The following LNX1 variants were observed in gnomAD, a reference collection of about 807,000 sequenced individuals.
The protein encoded by LNX1 is E3 ubiquitin-protein ligase LNX.
Under a neutral mutation model 68.4 loss-of-function variants are expected in LNX1, and 54 were observed. The ratio of observed to expected loss-of-function variants is 0.79; its 90% CI spans 0.63 to 0.99. LNX1 has a LOEUF of 0.99. Among genes scored for constraint, LNX1 ranks in the 50% least tolerant of loss-of-function variants. The pLI, the probability that LNX1 is intolerant of heterozygous loss-of-function variation, is 0.00. For synonymous variants in LNX1, 336 were observed against 350.0 expected, an observed-to-expected ratio of 0.96 and a Z score of 0.45; for missense variants, 906 against 926.4, an observed-to-expected ratio of 0.98 and a Z score of 0.29.
intron 2 of LNX1, among the ~76,000 whole-genome samples, chr4:53,525,454 T>A (rs780138825): frequency 2.0e-5 from 3 of 152,036 alleles, no homozygotes; most frequent in Non-Finnish European, 4.4e-5. Flanking sequence ...CACTGCAGAG[T>A]GGGTGACAGC....
chr4:53,597,183 G>A (rs561078393), intron 2 of LNX1, among the ~76,000 whole-genome samples: 2 of 152,244 alleles, frequency 1.3e-5, no homozygotes, highest in East Asian at 3.9e-4. Flanking sequence ...TGCAATGCTA[G>A]CTGCACTTGT....
At chr4:53,521,701 G>GA (rs139080150) in intron 2 of LNX1, among the ~76,000 whole-genome samples, 5,902 of 152,254 alleles carry the variant, frequency 0.039, 142 homozygotes, top group Middle Eastern at 0.068. Context: ...AACGAAGGGG[G>GA]AAAGGAGGGG....
chr4:53,586,830 A>T (rs562617684), intron 1 of LNX1, among the ~76,000 whole-genome samples: 81 of 152,342 alleles, frequency 5.3e-4, no homozygotes, highest in African/African-American at 1.9e-3. Flanking sequence ...AAAAATAATG[A>T]TTATTACTAT....
At chr4:53,596,990 G>T (rs539266722) in intron 2 of LNX1, among the ~76,000 whole-genome samples, 1 of 152,210 alleles carries the variant, frequency 6.6e-6, no homozygotes, top group African/African-American at 2.4e-5. Context: ...TGTACTGTCT[G>T]GTTCCTGGAC....
intron 8 of LNX1, among the ~76,000 whole-genome samples, chr4:53,478,137 A>G (rs1260645655): frequency 6.6e-6 from 1 of 152,192 alleles, no homozygotes; most frequent in Non-Finnish European, 1.5e-5. Context: ...ACTTTCACTT[A>G]ATGAGTATTC....
At chr4:53,473,061 CTAAA>C (rs1158553322) in intron 9 of LNX1, among the ~76,000 whole-genome samples, 4 of 151,818 alleles carry the variant, frequency 2.6e-5, no homozygotes, top group Admixed American at 2.6e-4. Flanking sequence ...TTTCTTAAAA[CTAAA>C]TAAAGTTGGT....
At chr4:53,613,048 C>T (rs62325486) in intron 2 of LNX1, among the ~76,000 whole-genome samples, 61,548 of 148,988 alleles carry the variant, frequency 0.41, 12,714 homozygotes, top group Admixed American at 0.45. Context: ...TGTCTACCTA[C>T]GATTATATAG....
chr4:53,616,450 GCTTTTATCTCATTTT>G (rs1733683906), intron 2 of LNX1: 1 of 152,164 alleles, frequency 6.6e-6, no homozygotes, highest in Admixed American at 6.5e-5. Context: ...ACCTGCTGCT[GCTTTTATCTCATTTT>G]CTTAGTACTT....
intron 4 of LNX1, among the ~76,000 whole-genome samples, chr4:53,502,261 T>C (rs961166604): frequency 2.0e-5 from 3 of 152,128 alleles, no homozygotes; most frequent in African/African-American, 7.2e-5. Flanking sequence ...GCTGCTATGG[T>C]CATTAATTTA....
intron 9 of LNX1, among the ~76,000 whole-genome samples, chr4:53,464,883 A>G (rs539799980): frequency 1.3e-5 from 2 of 152,250 alleles, no homozygotes; most frequent in Admixed American, 6.5e-5. Flanking sequence ...TCAAATTTAA[A>G]TTATCTCTCA....
intron 4 of LNX1, among the ~76,000 whole-genome samples, chr4:53,506,384 A>G (rs1725869886): frequency 6.6e-6 from 1 of 152,174 alleles, no homozygotes; most frequent in African/African-American, 2.4e-5. Flanking sequence ...ATGCAAAGAC[A>G]GTAGGACAGT....
At chr4:53,627,739 C>T (rs902303571) in intron 1 of LNX1, among the ~76,000 whole-genome samples, 3 of 152,212 alleles carry the variant, frequency 2.0e-5, no homozygotes, top group Admixed American at 2.0e-4. Context: ...ATTTAACTAA[C>T]ACAGCACATT....
At chr4:53,498,609 C>T (rs756580885) in intron 5 of LNX1, 32 bp downstream of exon 5, 39 of 1,557,458 alleles carry the variant, frequency 2.5e-5, no homozygotes, top group African/African-American at 1.4e-4. Flanking sequence ...ATATCAAGCC[C>T]CTTGCTGCAG....
chr4:53,549,668 T>C (rs1729368508), intron 2 of LNX1: 1 of 152,104 alleles, frequency 6.6e-6, no homozygotes, highest in Non-Finnish European at 1.5e-5. Flanking sequence ...TCATCTGAGA[T>C]GTGCTTCAAA....
At chr4:53,569,322 T>C (rs1481246487) in intron 2 of LNX1, among the ~76,000 whole-genome samples, 6 of 142,586 alleles carry the variant, frequency 4.2e-5, no homozygotes, top group East Asian at 2.1e-4. Flanking sequence ...GAGATATAGA[T>C]CAATGGAACA....
chr4:53,483,645 G>T (rs1724094337), intron 6 of LNX1, among the ~76,000 whole-genome samples: 1 of 152,218 alleles, frequency 6.6e-6, no homozygotes, highest in Admixed American at 6.5e-5. Context: ...ACCTGGTTTA[G>T]GGACAAGGGA....
chr4:53,557,901 C>G, intron 2 of LNX1: 1 of 1,613,254 alleles, frequency 6.2e-7, no homozygotes, highest in East Asian at 2.2e-5. Context: ...GTGCAGGTTG[C>G]CCACATTGTC....
chr4:53,647,568 G>GA (rs947856114), intron 1 of LNX1, among the ~76,000 whole-genome samples: 50 of 151,950 alleles, frequency 3.3e-4, no homozygotes, highest in Middle Eastern at 3.4e-3. Flanking sequence ...ACTTTGCTAA[G>GA]AAAAAAAAGC....
intron 2 of LNX1, among the ~76,000 whole-genome samples, chr4:53,531,840 G>A (rs1728043797): frequency 1.3e-5 from 2 of 152,132 alleles, no homozygotes; most frequent in African/African-American, 2.4e-5. Flanking sequence ...CCAGGCTCGG[G>A]TGTTGTTGCT....
Sources: gnomAD v4.1 joint callset for allele counts (sites outside exome capture counted in the v4.1 genomes callset) on GRCh38, gnomAD v4.1.1 for gene constraint, MANE v1.5 for transcripts, NCBI Gene and HGNC (gene_info 2026-07-23, HGNC 2026-07-21) for gene names.